COG5: variants seen among roughly 807,000 people sequenced by gnomAD.
COG5 encodes the protein conserved oligomeric Golgi complex subunit 5.
In COG5, 86 loss-of-function variants were observed where a neutral mutation model predicts 110.4. The ratio of observed to expected loss-of-function variants is 0.78; its 90% CI spans 0.65 to 0.93. The LOEUF (loss-of-function observed/expected upper bound fraction) is 0.93, where lower values mean the gene tolerates loss of function less well. Ranked by LOEUF, COG5 falls within the 40% of genes least tolerant of loss-of-function variation. The probability of loss-of-function intolerance (pLI) is 0.00; values close to 1 mark genes in which losing one functional copy is unlikely to be tolerated. For synonymous variants in COG5, 360 were observed against 334.6 expected (o/e 1.08, Z -0.83); for missense variants, 1,077 against 987.0 (o/e 1.09, Z -1.22).
At chr7:107,281,052 C>T (rs1019059497) in intron 14 of COG5, among the ~76,000 whole-genome samples, 1 of 151,588 alleles carries the variant, frequency 6.6e-6, no homozygotes, top group Non-Finnish European at 1.5e-5. Context: ...TTGGCACATG[C>T]GTTAAAAAAG....
At chr7:107,221,776 A>T (rs1799946542) in intron 19 of COG5, among the ~76,000 whole-genome samples, 1 of 151,850 alleles carries the variant, frequency 6.6e-6, no homozygotes, top group African/African-American at 2.4e-5. Flanking sequence ...AAAAAAAAAA[A>T]AAAAAGAGAT....
Position 107,548,104 on chromosome 7 carries a change from A to C in COG5, c.417+7T>G. On this transcript the variant is annotated splice_region_variant and intron_variant, in intron 5 of 21. Transcript: ENST00000297135. ...TAAAGTATAAAGAAATAAAAGTAAG[A>C]AACTACCTGAAGTCTTGCTAGTTGT... The C allele has an allele frequency of 6.2e-7, 1 of 1,608,236 alleles. No homozygotes were observed. Among genetic ancestry groups the C allele is most frequent in the Non-Finnish European group, 8.5e-7 (1 of 1,174,934 alleles).
intron 5 of COG5, among the ~76,000 whole-genome samples, chr7:107,538,180 G>A (rs1801726651): frequency 6.6e-6 from 1 of 152,142 alleles, no homozygotes; most frequent in Non-Finnish European, 1.5e-5. Context: ...CAGTAAAGAA[G>A]CAGGCAACAC....
At chr7:107,254,212 T>C (rs1460577555) in intron 16 of COG5, among the ~76,000 whole-genome samples, 1 of 152,180 alleles carries the variant, frequency 6.6e-6, no homozygotes, top group Non-Finnish European at 1.5e-5. Context: ...ATCTATATTT[T>C]TCAGTAAGTT....
intron 10 of COG5, among the ~76,000 whole-genome samples, chr7:107,353,439 A>AG (rs1339676637): frequency 1.3e-5 from 2 of 151,424 alleles, no homozygotes; most frequent in African/African-American, 2.4e-5. Flanking sequence ...AAAAAAAAAA[A>AG]AAAAGAAAAC....
At chr7:107,311,757 G>A (rs1184440301) in intron 11 of COG5, among the ~76,000 whole-genome samples, 1 of 151,866 alleles carries the variant, frequency 6.6e-6, no homozygotes, top group Non-Finnish European at 1.5e-5. Context: ...TTATATAATA[G>A]AGATACTAAT....
At chr7:107,400,243 T>C (rs1791326331) in intron 7 of COG5, among the ~76,000 whole-genome samples, 1 of 152,082 alleles carries the variant, frequency 6.6e-6, no homozygotes. Context: ...TCAATGCACA[T>C]AACATGCATG....
chr7:107,257,067 A>G (rs1802945261), intron 15 of COG5, among the ~76,000 whole-genome samples: 1 of 152,154 alleles, frequency 6.6e-6, no homozygotes, highest in South Asian at 2.1e-4. Context: ...GGTTTTAATT[A>G]TAAAGTTTTA....
intron 6 of COG5, among the ~76,000 whole-genome samples, chr7:107,442,831 A>T (rs557171871): frequency 6.6e-6 from 1 of 152,258 alleles, no homozygotes; most frequent in Non-Finnish European, 1.5e-5. Flanking sequence ...AAGAAAGAAC[A>T]AAATTTAGAG....
intron 11 of COG5, among the ~76,000 whole-genome samples, chr7:107,301,127 T>C (rs182972971): frequency 1.3e-5 from 2 of 152,292 alleles, no homozygotes; most frequent in South Asian, 2.1e-4. Flanking sequence ...CCACACTCTG[T>C]ACCTTATACA....
chr7:107,286,222 G>A (rs1180750950), intron 12 of COG5, among the ~76,000 whole-genome samples: 1 of 152,182 alleles, frequency 6.6e-6, no homozygotes, highest in Non-Finnish European at 1.5e-5. Flanking sequence ...AGTAACAGGA[G>A]GGTAGTACAA....
chr7:107,282,956 T>G (rs1425899627), intron 13 of COG5, among the ~76,000 whole-genome samples: 1 of 152,210 alleles, frequency 6.6e-6, no homozygotes, highest in East Asian at 1.9e-4. Context: ...TATGACAACT[T>G]GTTAGTCATG....
intron 6 of COG5, among the ~76,000 whole-genome samples, chr7:107,480,042 G>A (rs1057296549): frequency 6.6e-6 from 1 of 152,040 alleles, no homozygotes; most frequent in Non-Finnish European, 1.5e-5. Context: ...CATAAAAACA[G>A]TTTTTAATTA....
At chr7:107,515,195 A>G (rs772448130) in intron 6 of COG5, among the ~76,000 whole-genome samples, 2 of 152,158 alleles carry the variant, frequency 1.3e-5, no homozygotes, top group Non-Finnish European at 2.9e-5. Flanking sequence ...TTTAATCTCT[A>G]TTTGTAGGAT....
At chr7:107,270,488 A>G (rs1804165042) in intron 14 of COG5, among the ~76,000 whole-genome samples, 1 of 152,054 alleles carries the variant, frequency 6.6e-6, no homozygotes, top group Non-Finnish European at 1.5e-5. Context: ...CTTGAACTCC[A>G]TGGCTCAAGC....
chr7:107,248,452 A>C lies in COG5; in HGVS notation c.1797T>G (p.Ser599=). 1 of 1,612,768 alleles carries C rather than the reference A, an allele frequency of 6.2e-7. No individual in the cohort carries two copies. Among genetic ancestry groups the C allele is most frequent in the Non-Finnish European group, 8.5e-7 (1 of 1,179,244 alleles). ...MENAVQPLLT[S]VGDAIEAIII... is the part of the protein sequence containing the mutation. ...TTATGGCCTCTATAGCATCTCCCAC[A>C]GAAGTGAGTAAGGGTTGCACAGCAT... The change falls in exon 17 of 22, where the codon TCT becomes TCG. Residue 599 remains serine (S), a synonymous_variant. Transcript: ENST00000297135.
At chr7:107,332,228 G>T (rs1810317000) in intron 10 of COG5, among the ~76,000 whole-genome samples, 1 of 152,172 alleles carries the variant, frequency 6.6e-6, no homozygotes, top group Non-Finnish European at 1.5e-5. Flanking sequence ...GAAACTATTA[G>T]CCTGTGCGAG....
chr7:107,386,428 C>T (rs1281052258), intron 7 of COG5, among the ~76,000 whole-genome samples: 4 of 152,034 alleles, frequency 2.6e-5, no homozygotes, highest in African/African-American at 7.3e-5. Flanking sequence ...CCAGACAGAC[C>T]CCCGCAGCTG....
At chr7:107,441,606 A>T (rs1794712270) in intron 6 of COG5, among the ~76,000 whole-genome samples, 2 of 152,176 alleles carry the variant, frequency 1.3e-5, no homozygotes, top group African/African-American at 4.8e-5. Flanking sequence ...CCAATCTCCA[A>T]ATAGCCCAAT....
Sources: allele counts gnomAD v4.1 joint callset (sites outside exome capture counted in the v4.1 genomes callset), GRCh38; gene constraint gnomAD v4.1.1; transcripts MANE v1.5; gene names NCBI Gene and HGNC (gene_info 2026-07-23, HGNC 2026-07-21).